The following NEDD9 variants were observed in gnomAD, a reference collection of about 807,000 sequenced individuals.
The protein encoded by NEDD9 is neural precursor cell expressed, developmentally down-regulated 9, also known as enhancer of filamentation 1.
Under a neutral mutation model 76.6 loss-of-function variants are expected in NEDD9, and 26 were observed. The ratio of observed to expected loss-of-function variants is 0.34; its 90% confidence interval spans 0.25 to 0.47. NEDD9 has a LOEUF of 0.47. Among genes scored for constraint, NEDD9 ranks in the 20% least tolerant of loss-of-function variants. The probability of loss-of-function intolerance (pLI) is 1.00; values close to 1 mark genes in which losing one functional copy is unlikely to be tolerated. For synonymous variants in NEDD9, 392 were observed against 414.2 expected, an observed-to-expected ratio of 0.95 and a Z score of 0.65; for missense variants, 937 against 1,058.5, an observed-to-expected ratio of 0.89 and a Z score of 1.59.
chr6:11,187,200 T>G (rs1017929217), intron 6 of NEDD9, among the ~76,000 whole-genome samples: 1 of 152,190 alleles, frequency 6.6e-6, no homozygotes, highest in African/African-American at 2.4e-5. Flanking sequence ...CTTGACATAG[T>G]TGGTTGGCCA....
At chr6:11,356,721 T>C (rs1262002841) in intron 1 of NEDD9, among the ~76,000 whole-genome samples, 4 of 147,202 alleles carry the variant, frequency 2.7e-5, no homozygotes, top group Non-Finnish European at 4.5e-5. Context: ...GGCATCATCA[T>C]AACCCACCCC....
chr6:11,201,145 GCATC>G, intron 2 of NEDD9: 3 of 1,398,634 alleles, frequency 2.1e-6, no homozygotes, highest in Non-Finnish European at 3.0e-6. Flanking sequence ...CTTTCCTTGG[GCATC>G]CACTTCACCT....
At position 11,359,858 on chromosome 6, in the gene NEDD9, G is replaced by A. The variant is rs76266863; in HGVS notation, c.-214+22281C>T. Among the ~76,000 whole-genome samples, 634 of 152,312 alleles carry A rather than the reference G, an allele frequency of 4.2e-3. 7 individuals are homozygous for A. The highest frequency in any genetic ancestry group is 0.041 in the East Asian group (210 of 5,184). On this transcript the variant is annotated intron_variant, in intron 1 of 3. Transcript: ENST00000397378. ...CCATTTTGTTGCCAGATAGCAAGTC[G>A]TTTGAGACCTGTTTCATGCCATGAG...
intron 3 of NEDD9, among the ~76,000 whole-genome samples, chr6:11,264,610 T>C (rs1760172486): frequency 6.6e-6 from 1 of 152,046 alleles, no homozygotes; most frequent in Admixed American, 6.6e-5. Flanking sequence ...AATAAAGAAC[T>C]CAGAAACTGA....
At chr6:11,234,864 C>T (rs1408972658), upstream of NEDD9, among the ~76,000 whole-genome samples, 3 of 152,052 alleles carry the variant, frequency 2.0e-5, no homozygotes, top group Non-Finnish European at 4.4e-5. Flanking sequence ...GTGTCTGCCA[C>T]CATACCTGGC....
intron 1 of NEDD9, among the ~76,000 whole-genome samples, chr6:11,363,204 C>T (rs1318994535): frequency 4.6e-5 from 7 of 152,204 alleles, no homozygotes; most frequent in Non-Finnish European, 1.0e-4. Flanking sequence ...GCCCTGCCCA[C>T]TGACATAACC....
chr6:11,319,724 TCACA>T (rs1037882579), intron 2 of NEDD9, among the ~76,000 whole-genome samples: 1 of 123,958 alleles, frequency 8.1e-6, no homozygotes, highest in Non-Finnish European at 1.6e-5. Context: ...ACATGCACAC[TCACA>T]CACTAACATG....
At chr6:11,232,418 G>C in intron 1 of NEDD9, 86 bp downstream of exon 1, 3 of 1,522,446 alleles carry the variant, frequency 2.0e-6, no homozygotes, top group Non-Finnish European at 1.8e-6. Flanking sequence ...ACAAGGGACT[G>C]ACAGTAAGGA....
At chr6:11,216,285 G>T (rs571001647) in intron 1 of NEDD9, among the ~76,000 whole-genome samples, 1 of 152,216 alleles carries the variant, frequency 6.6e-6, no homozygotes, top group Non-Finnish European at 1.5e-5. Context: ...AGCCTTGGCC[G>T]AACAGGAGTA....
chr6:11,190,657 C>T lies in NEDD9; in HGVS notation c.1212G>A (p.Leu404=), dbSNP rs1448793142. 2 of 1,614,172 alleles carry T rather than the reference C, an allele frequency of 1.2e-6. No homozygotes were observed. The change falls in exon 5 of 7, where the codon CTG becomes CTA. Residue 404 remains leucine (L), a synonymous_variant. Transcript: ENST00000379446. This position sits in a 1 kb window ranked among gnomAD's most constrained non-coding sequence, Gnocchi z 5.8. ...GTCTCTCAATAGCTGTGTCTGGATC[C>T]AGGAAGAGCCTTTTGTCCTGAGCTG... The part of the protein sequence containing the change: ...ASPAQDKRLF[L]DPDTAIERLQ...
intron 1 of NEDD9, among the ~76,000 whole-genome samples, chr6:11,351,928 T>C (rs1762480372): frequency 6.6e-6 from 1 of 152,214 alleles, no homozygotes; most frequent in Non-Finnish European, 1.5e-5. Context: ...AACAAAGGAC[T>C]CTTGAGGGTT....
chr6:11,348,986 C>A (rs146933018), intron 1 of NEDD9, among the ~76,000 whole-genome samples: 1 of 152,158 alleles, frequency 6.6e-6, no homozygotes, highest in East Asian at 1.9e-4. Context: ...AGGGAACAGA[C>A]GACCTACAGA....
intron 2 of NEDD9, among the ~76,000 whole-genome samples, chr6:11,323,098 G>A (rs1480401417): frequency 1.3e-5 from 2 of 152,198 alleles, no homozygotes; most frequent in Non-Finnish European, 2.9e-5. Flanking sequence ...CAAACATTGA[G>A]CTCTTGCTAC....
At chr6:11,266,945 C>T (rs1396457266) in intron 3 of NEDD9, among the ~76,000 whole-genome samples, 1 of 152,152 alleles carries the variant, frequency 6.6e-6, no homozygotes, top group Non-Finnish European at 1.5e-5. Flanking sequence ...CTTTAAGGAC[C>T]ATTTATTGCT....
At chr6:11,191,510 G>A (rs1758144143) in intron 4 of NEDD9, among the ~76,000 whole-genome samples, 1 of 152,076 alleles carries the variant, frequency 6.6e-6, no homozygotes, top group Non-Finnish European at 1.5e-5. Context: ...GATCTGTGCC[G>A]AGAGGCAGAG....
Position 11,267,231 on chromosome 6 carries a change from G to A in NEDD9, c.12+38761C>T, listed in dbSNP as rs9380176. 9.6e-3 allele frequency among the ~76,000 whole-genome samples: 1,456 copies of A among 152,278 alleles called. 73 individuals are homozygous for A. In the East Asian group the frequency reaches 0.17, roughly 18 times the overall value. On this transcript the variant is annotated intron_variant, in intron 3 of 3. Coordinates refer to the NEDD9 transcript ENST00000397378. ...CTCTCTGGCAGTGCTCCCTGCAAATGTGTCCTTTCAAGAAAACAAAACCTG... is the reference window on the plus strand; with the variant it reads ...CTCTCTGGCAGTGCTCCCTGCAAATATGTCCTTTCAAGAAAACAAAACCTG...
At chr6:11,332,342 T>C (rs549920751) in intron 2 of NEDD9, among the ~76,000 whole-genome samples, 2 of 152,342 alleles carry the variant, frequency 1.3e-5, no homozygotes, top group East Asian at 1.9e-4. Context: ...ACTACTTCAC[T>C]GAGTGTGAAT....
intron 3 of NEDD9, among the ~76,000 whole-genome samples, chr6:11,304,446 C>T (rs546659899): frequency 4.1e-4 from 62 of 152,282 alleles, no homozygotes; most frequent in African/African-American, 1.4e-3. Context: ...CCCAGCCATC[C>T]CATTACTGGG....
intron 2 of NEDD9, among the ~76,000 whole-genome samples, chr6:11,310,396 T>G (rs1761331279): frequency 6.6e-6 from 1 of 152,164 alleles, no homozygotes; most frequent in African/African-American, 2.4e-5. Context: ...CGTTTGTCCT[T>G]TTAATGCATT....
Sources: allele counts gnomAD v4.1 joint callset (sites outside exome capture counted in the v4.1 genomes callset), GRCh38; gene constraint gnomAD v4.1.1; non-coding constraint Gnocchi (gnomAD v3.1); transcripts MANE v1.5; gene names NCBI Gene and HGNC (gene_info 2026-07-23, HGNC 2026-07-21).